Variants in ZNF678 observed in about 807,000 individuals in gnomAD.
ZNF678 encodes the protein zinc finger protein 678, also known as hypothetical protein MGC42493.
A neutral mutation model predicts 3.0 loss-of-function variants in ZNF678; 5 were observed. The ratio of observed to expected loss-of-function variants is 1.69; its 90% confidence interval spans 0.88 to 3.56. The LOEUF is 3.56. Among genes scored for constraint, ZNF678 ranks in the 30% most tolerant of loss-of-function variants. The pLI is 0.00. For synonymous variants in ZNF678, 218 were observed against 199.6 expected, an observed-to-expected ratio of 1.09 and a Z score of -0.78; for missense variants, 593 against 605.0, an observed-to-expected ratio of 0.98 and a Z score of 0.21.
intron 3 of ZNF678, among the ~76,000 whole-genome samples, chr1:227,653,626 A>G (rs1659141619): frequency 6.6e-6 from 1 of 152,082 alleles, no homozygotes; most frequent in African/African-American, 2.4e-5. Context: ...GGAGGCTAAT[A>G]GCTATTTGCC....
chr1:227,672,326 G>GA (rs1353686611), intron 5 of ZNF678, among the ~76,000 whole-genome samples: 1 of 152,152 alleles, frequency 6.6e-6, no homozygotes, highest in Non-Finnish European at 1.5e-5. Flanking sequence ...AGTGGGTATG[G>GA]AGAGTTAGAA....
intron 5 of ZNF678, among the ~76,000 whole-genome samples, chr1:227,668,743 TGAAAG>T (rs1270291467): frequency 1.3e-5 from 2 of 152,208 alleles, no homozygotes; most frequent in Non-Finnish European, 2.9e-5. Context: ...TTTTATATGA[TGAAAG>T]GTAAGGATCT....
At chr1:227,678,227 A>G (rs566991288), downstream of ZNF678, among the ~76,000 whole-genome samples, 5 of 152,326 alleles carry the variant, frequency 3.3e-5, no homozygotes, top group East Asian at 7.7e-4. Flanking sequence ...CAAGCCCTCA[A>G]CAAGAGTAAC....
chr1:227,590,690 A>G (rs1162977515), intron 1 of ZNF678, among the ~76,000 whole-genome samples: 3 of 151,854 alleles, frequency 2.0e-5, no homozygotes, highest in Non-Finnish European at 4.4e-5. Flanking sequence ...CAATAACACA[A>G]CTACCTGTCC....
intron 1 of ZNF678, among the ~76,000 whole-genome samples, chr1:227,619,360 T>C (rs1419554836): frequency 1.3e-5 from 2 of 152,192 alleles, no homozygotes; most frequent in African/African-American, 4.8e-5. Flanking sequence ...AGCCCCTGAT[T>C]TATAGGCAGT....
At chr1:227,662,932 TAGTC>T (rs1439504362), downstream of ZNF678, among the ~76,000 whole-genome samples, 8 of 152,266 alleles carry the variant, frequency 5.3e-5, no homozygotes, top group South Asian at 2.1e-4. Flanking sequence ...CATGTTTTAA[TAGTC>T]AGTGCCTCAG....
intron 1 of ZNF678, among the ~76,000 whole-genome samples, chr1:227,639,815 G>A (rs1658774368): frequency 6.6e-6 from 1 of 152,184 alleles, no homozygotes; most frequent in South Asian, 2.1e-4. Context: ...CTGGGGTGAG[G>A]CTGGAAGAGA....
intron 1 of ZNF678, among the ~76,000 whole-genome samples, chr1:227,630,292 A>G (rs1202008914): frequency 2.0e-5 from 3 of 152,160 alleles, no homozygotes; most frequent in Non-Finnish European, 4.4e-5. Flanking sequence ...CTAGCTTGCA[A>G]GTTAGCAAAT....
chr1:227,672,475 T>C (rs1558165035), intron 5 of ZNF678, among the ~76,000 whole-genome samples: 1 of 151,970 alleles, frequency 6.6e-6, no homozygotes, highest in Non-Finnish European at 1.5e-5. Flanking sequence ...AGGGAATAAA[T>C]TTAGGGCATG....
Position 227,660,954 on chromosome 1 carries a change from A to G in ZNF678, c.*5126A>G, listed in dbSNP as rs908771394. 3.3e-5 allele frequency: 5 copies of G among 152,174 alleles called. No homozygotes were observed. Among genetic ancestry groups the G allele is most frequent in the Admixed American group, 3.3e-4 (5 of 15,268 alleles). 9.4% of individuals were successfully genotyped at this position (152,174 alleles called of 1,614,324 possible). On this transcript the variant is annotated 3_prime_UTR_variant, in exon 4 of 4. Transcript: ENST00000343776. ...AAAATTCTTTTTCTGCATTCACTTA[A>G]AAGTTATAATTGGTTCTGAGATCCT...
intron 1 of ZNF678, among the ~76,000 whole-genome samples, chr1:227,644,084 C>A (rs572896355): frequency 2.2e-4 from 34 of 151,840 alleles, no homozygotes; most frequent in African/African-American, 8.0e-4. Flanking sequence ...AAGTTGGTCT[C>A]GAACTCTGGA....
At chr1:227,639,136 C>T (rs965959439) in intron 1 of ZNF678, among the ~76,000 whole-genome samples, 3 of 152,172 alleles carry the variant, frequency 2.0e-5, no homozygotes, top group Non-Finnish European at 2.9e-5. Flanking sequence ...AGTCCAACTT[C>T]CAGTGGGGTC....
At chr1:227,653,470 T>G (rs1005175112) in intron 3 of ZNF678, among the ~76,000 whole-genome samples, 1 of 152,096 alleles carries the variant, frequency 6.6e-6, no homozygotes, top group Non-Finnish European at 1.5e-5. Flanking sequence ...ATATTTATTT[T>G]CTTAGAATTA....
intron 1 of ZNF678, among the ~76,000 whole-genome samples, chr1:227,620,302 T>C (rs938734081): frequency 1.3e-5 from 2 of 152,206 alleles, no homozygotes; most frequent in Admixed American, 1.3e-4. Flanking sequence ...CCCCTCCATT[T>C]TTCCTTTTTT....
chr1:227,639,961 G>C (rs991636021), intron 1 of ZNF678, among the ~76,000 whole-genome samples: 1 of 152,190 alleles, frequency 6.6e-6, no homozygotes, highest in Non-Finnish European at 1.5e-5. Context: ...AGGGAGAAGG[G>C]AACATGAACT....
At chr1:227,624,135 G>A (rs1253335233) in intron 1 of ZNF678, among the ~76,000 whole-genome samples, 3 of 152,094 alleles carry the variant, frequency 2.0e-5, no homozygotes, top group Non-Finnish European at 4.4e-5. Context: ...TTATCTGTTT[G>A]GACAATGCTC....
chr1:227,663,394 C>T (rs117659468), downstream of ZNF678, among the ~76,000 whole-genome samples: 5 of 152,102 alleles, frequency 3.3e-5, no homozygotes, highest in East Asian at 1.9e-4. Context: ...AACATAAAGA[C>T]GTGATATCAA....
chr1:227,665,904 C>T (rs75655225), downstream of ZNF678, among the ~76,000 whole-genome samples: 10 of 152,260 alleles, frequency 6.6e-5, no homozygotes, highest in African/African-American at 2.2e-4. Flanking sequence ...TTTGTAGCTA[C>T]CCTATCCTGT....
intron 1 of ZNF678, among the ~76,000 whole-genome samples, chr1:227,578,638 C>G (rs753931911): frequency 6.6e-6 from 1 of 152,140 alleles, no homozygotes; most frequent in Non-Finnish European, 1.5e-5. Context: ...ACAGCTCTTG[C>G]ATTGTTTTGT....
Sources: allele counts gnomAD v4.1 joint callset (sites outside exome capture counted in the v4.1 genomes callset), GRCh38; gene constraint gnomAD v4.1.1; transcripts MANE v1.5; gene names NCBI Gene and HGNC (gene_info 2026-07-23, HGNC 2026-07-21).